HOOK1: variants seen among roughly 807,000 people sequenced by gnomAD.
The protein encoded by HOOK1 is protein Hook homolog 1.
A neutral mutation model predicts 112.8 loss-of-function variants in HOOK1; 60 were observed. The observed-to-expected ratio is 0.53, with a 90% CI of 0.43 to 0.66. HOOK1 has a LOEUF of 0.66. Ranked by LOEUF, HOOK1 falls within the 30% of genes least tolerant of loss-of-function variation. The pLI is 0.00. For missense variants in HOOK1, 770 were observed against 856.0 expected (o/e 0.90, Z 1.25); for synonymous variants, 294 against 283.8 (o/e 1.04, Z -0.36).
At chr1:59,847,450 G>T (rs545890968) in intron 10 of HOOK1, among the ~76,000 whole-genome samples, 1 of 151,588 alleles carries the variant, frequency 6.6e-6, no homozygotes, top group East Asian at 1.9e-4. Flanking sequence ...TTTTATAAAT[G>T]GAGTACTTAT....
Position 59,875,149 on chromosome 1 carries a change from C to T in HOOK1, c.*2184C>T, listed in dbSNP as rs541282107. The T allele has an allele frequency of 1.3e-5, 2 of 152,684 alleles. No homozygotes were observed. Among genetic ancestry groups the T allele is most frequent in the African/African-American group, 4.8e-5 (2 of 41,568 alleles). 9.5% of individuals were successfully genotyped at this position (152,684 alleles called of 1,614,324 possible). A position where few individuals can be genotyped will look rare whatever the true frequency, so the allele number is the denominator to read the frequency against. On this transcript the variant is annotated 3_prime_UTR_variant, in exon 22 of 22. Transcript: ENST00000371208. The stretch of plus-strand genomic sequence containing the variant: ...CTACTTGCTTATGATTGAGATTTTA[C>T]AAGCCCTTCAAACTCCGTTTTAAAG...
intron 1 of HOOK1, among the ~76,000 whole-genome samples, chr1:59,817,665 C>T (rs1264223612): frequency 1.3e-5 from 2 of 151,994 alleles, no homozygotes; most frequent in South Asian, 2.1e-4. Flanking sequence ...GATTTTTTTC[C>T]CTCTACCTAG....
chr1:59,858,451 T>G lies in HOOK1; in HGVS notation c.1266T>G (p.Thr422=). ...EKERLIEQRD[T]LKETNEELRC... ...AGAGACTAATTGAGCAGCGTGATAC[T>G]TTGAAAGAAACAAATGAAGAGCTTC... The change falls in exon 13 of 22, where the codon ACT becomes ACG. Residue 422 remains threonine, a synonymous_variant. Coordinates refer to ENST00000371208, the MANE Select transcript of HOOK1 (RefSeq NM_015888.6). 1.2e-6 allele frequency: 2 copies of G among 1,612,664 alleles called. No individual in the cohort carries two copies. The highest frequency in any genetic ancestry group is 1.7e-6 in the Non-Finnish European group (2 of 1,178,660).
At chr1:59,851,325 A>C (rs1350199637) in intron 12 of HOOK1, among the ~76,000 whole-genome samples, 1 of 151,598 alleles carries the variant, frequency 6.6e-6, no homozygotes, top group Non-Finnish European at 1.5e-5. Flanking sequence ...CATTTCATTT[A>C]TTTAGATCTT....
chr1:59,842,433 A>T (rs2098401514), intron 8 of HOOK1, among the ~76,000 whole-genome samples: 1 of 152,154 alleles, frequency 6.6e-6, no homozygotes, highest in Non-Finnish European at 1.5e-5. Context: ...TGAATTTGGG[A>T]ATAGAAAGTT....
At chr1:59,821,708 ATTTG>A in intron 1 of HOOK1, 146 bp from the exon 2 acceptor site, 1 of 562,310 alleles carries the variant, frequency 1.8e-6, no homozygotes, top group Non-Finnish European at 3.1e-6. Context: ...GCATAGTTCC[ATTTG>A]TTTGTCTGGG....
At chr1:59,823,646 AG>A (rs1221174371) in intron 2 of HOOK1, among the ~76,000 whole-genome samples, 1 of 152,214 alleles carries the variant, frequency 6.6e-6, no homozygotes, top group Admixed American at 6.5e-5. Flanking sequence ...TACAATCAAA[AG>A]AAACCTGTTT....
intron 3 of HOOK1, among the ~76,000 whole-genome samples, chr1:59,831,805 G>A (rs944329271): frequency 2.0e-5 from 3 of 152,142 alleles, no homozygotes; most frequent in Non-Finnish European, 4.4e-5. Context: ...CTTGTCTAAA[G>A]CTTGCAAACA....
Position 59,874,287 on chromosome 1 carries a change from T to A in HOOK1, c.*1322T>A, listed in dbSNP as rs1199941384. On this transcript the variant is annotated 3_prime_UTR_variant, in exon 22 of 22. Transcript: ENST00000371208. ...ATTGGATAGTACCATAATCTTTTTA[T>A]AGTAACTTGGAAATACTATTTGATA... 6.6e-6 allele frequency: 1 copy of A among 152,174 alleles called. No homozygotes were observed. Among genetic ancestry groups the A allele is most frequent in the Admixed American group, 6.5e-5 (1 of 15,278 alleles). The allele number at this position is 152,174 out of a possible 1,614,324, so 9.4% of individuals were successfully genotyped here.
At chr1:59,864,806 G>A in intron 17 of HOOK1, 140 bp downstream of exon 17, 1 of 619,180 alleles carries the variant, frequency 1.6e-6, no homozygotes, top group Non-Finnish European at 2.9e-6. Context: ...AAAGTGAAAA[G>A]CATGCTAAAG....
At position 59,847,179 on chromosome 1, in the gene HOOK1, T is replaced by C; in HGVS notation, c.923T>C (p.Val308Ala). Reference protein sequence around the residue: ...ETRALKDEIDVLRATSDKANK... With the variant: ...ETRALKDEIDALRATSDKANK... ...AGAGCCCTGAAAGATGAAATAGATG[T>C]TCTTAGGTATGGCATGTCTTAAAAA... Residue 308 changes from valine to alanine, a missense_variant, in exon 10 of 22, where the codon GTT becomes GCT. Coordinates refer to ENST00000371208, the MANE Select transcript of HOOK1 (RefSeq NM_015888.6). The C allele has an allele frequency of 2.5e-6, 4 of 1,600,918 alleles. No individual in the cohort carries two copies. The highest frequency in any genetic ancestry group is 3.4e-6 in the Non-Finnish European group (4 of 1,174,736).
chr1:59,841,059 A>G (rs1319262238), intron 8 of HOOK1, among the ~76,000 whole-genome samples: 3 of 152,126 alleles, frequency 2.0e-5, no homozygotes, highest in African/African-American at 4.8e-5. Context: ...TGATGATAGC[A>G]TATATCTCCC....
intron 9 of HOOK1, among the ~76,000 whole-genome samples, chr1:59,846,587 C>CTTCCT (rs796920692): frequency 8.5e-6 from 1 of 117,126 alleles, no homozygotes; most frequent in Non-Finnish European, 1.8e-5. Context: ...TCCTTCCTTC[C>CTTCCT]TCCCTCCTCC....
At chr1:59,845,370 C>G (rs2098403146) in intron 9 of HOOK1, among the ~76,000 whole-genome samples, 1 of 151,916 alleles carries the variant, frequency 6.6e-6, no homozygotes, top group South Asian at 2.1e-4. Flanking sequence ...TAGAACTTTA[C>G]ATCTTCCTTT....
rs535781680 is a variant in HOOK1 at position 59,830,314 on chromosome 1, C to T, written c.222+1462C>T. Among the ~76,000 whole-genome samples the T allele has an allele frequency of 1.7e-4, 26 of 152,044 alleles. No homozygotes were observed. In the East Asian group the frequency reaches 2.7e-3, roughly 16 times the overall value. On this transcript the variant is annotated intron_variant, in intron 3 of 21. Transcript: ENST00000371208. ...GCCCTTAAATCTCTAATGATGATTT[C>T]GATTTTGTTGATTTCTCCTTTGCAT...
At chr1:59,862,528 C>A (rs1329126539) in intron 15 of HOOK1, among the ~76,000 whole-genome samples, 1 of 151,934 alleles carries the variant, frequency 6.6e-6, no homozygotes, top group Admixed American at 6.6e-5. Context: ...AAATTTTTTG[C>A]CACCGACATT....
intron 15 of HOOK1, among the ~76,000 whole-genome samples, chr1:59,860,639 C>T (rs1164033081): frequency 6.6e-6 from 1 of 151,998 alleles, no homozygotes; most frequent in Non-Finnish European, 1.5e-5. Context: ...GGCTGGAGTA[C>T]AGTGGCGTGA....
rs1165045036 is a variant in HOOK1 at position 59,865,903 on chromosome 1, T to G, written c.1776T>G (p.Leu592=). 2 of 1,594,752 alleles carry G rather than the reference T, an allele frequency of 1.3e-6. No individual in the cohort carries two copies. The highest frequency in any genetic ancestry group is 1.7e-6 in the Non-Finnish European group (2 of 1,170,518). Residue 592 remains leucine (L), a synonymous_variant, in exon 19 of 22, where the codon CTT becomes CTG. Coordinates refer to ENST00000371208, the MANE Select transcript of HOOK1 (RefSeq NM_015888.6). ...AGATCAATGAACTTGAAGCTGCTCT[T>G]CAGAAGAAAGATGAAGATATGAAAG... ...VQKINELEAA[L]QKKDEDMKAM... is the part of the protein sequence containing the mutation.
At chr1:59,823,252 G>A (rs776447999) in intron 2 of HOOK1, among the ~76,000 whole-genome samples, 35 of 152,274 alleles carry the variant, frequency 2.3e-4, no homozygotes, top group Non-Finnish European at 2.9e-4. Context: ...CCTGGGAGGC[G>A]GAGCTCACAG....
Sources: allele counts gnomAD v4.1 joint callset (sites outside exome capture counted in the v4.1 genomes callset), GRCh38; gene constraint gnomAD v4.1.1; transcripts MANE v1.5; gene names NCBI Gene and HGNC (gene_info 2026-07-23, HGNC 2026-07-21).